MBD5: variants seen among roughly 807,000 people sequenced by gnomAD.
MBD5 encodes methyl-CpG-binding domain protein 5.
MBD5 carries 13 observed loss-of-function variants against 117.3 expected under a neutral mutation model. That is an observed-to-expected ratio of 0.11 (90% CI 0.07 to 0.18). MBD5 has a LOEUF of 0.18. MBD5 is among the 10% of genes least tolerant of loss of function. The pLI, the probability that MBD5 is intolerant of heterozygous loss-of-function variation, is 1.00. For synonymous variants in MBD5, 727 were observed against 766.4 expected (o/e 0.95, Z 0.85); for missense variants, 1,879 against 2,093.8 (o/e 0.90, Z 2.00).
At chr2:148,280,412 A>G (rs1341236894) in intron 3 of MBD5, among the ~76,000 whole-genome samples, 2 of 151,752 alleles carry the variant, frequency 1.3e-5, no homozygotes, top group African/African-American at 2.4e-5. Context: ...CTCAATGTTC[A>G]GTTTTCTTTT....
At chr2:148,475,046 G>C (rs1020002907) in intron 8 of MBD5, among the ~76,000 whole-genome samples, 3 of 152,138 alleles carry the variant, frequency 2.0e-5, no homozygotes, top group African/African-American at 7.2e-5. Flanking sequence ...GGAGATGAGA[G>C]ATTTGTATAG....
chr2:148,355,692 A>G (rs1177955106), intron 4 of MBD5, among the ~76,000 whole-genome samples: 1 of 152,174 alleles, frequency 6.6e-6, no homozygotes, highest in East Asian at 1.9e-4. Flanking sequence ...GCCTTGTAAT[A>G]TAGTTTGAAG....
intron 1 of MBD5, among the ~76,000 whole-genome samples, chr2:148,038,167 G>GA (rs1174506190): frequency 1.3e-5 from 2 of 152,034 alleles, no homozygotes; most frequent in African/African-American, 2.4e-5. Flanking sequence ...TGAAAGAGAA[G>GA]AAAGTCAGGC....
At chr2:148,237,029 A>G (rs13001946) in intron 3 of MBD5, among the ~76,000 whole-genome samples, 45,963 of 152,034 alleles carry the variant, frequency 0.3, 7,394 homozygotes, top group South Asian at 0.43. Context: ...CTAGTGTCAA[A>G]CTTTTCTTCT....
In MBD5 at chr2:148,021,530, C is replaced by T; in HGVS notation, c.-1079C>T. On this transcript the variant is annotated 5_prime_UTR_variant, in exon 1 of 14. Transcript: ENST00000642680. ...CTGCTGCTACTGCTGCTGCTTGGCCCTGGCTGGAGACATCTCACTACACCC... is the reference window on the plus strand; with the variant it reads ...CTGCTGCTACTGCTGCTGCTTGGCCTTGGCTGGAGACATCTCACTACACCC... 3.5e-6 allele frequency: 2 copies of T among 566,808 alleles called. No homozygotes were observed. The highest frequency in any genetic ancestry group is 4.4e-5 in the Admixed American group (2 of 45,874). The allele number at this position is 566,808 out of a possible 1,614,324, so 35.1% of individuals were successfully genotyped here.
chr2:148,292,837 A>G lies in MBD5; in HGVS notation c.-679-49377A>G, dbSNP rs576437592. Among the ~76,000 whole-genome samples the G allele has an allele frequency of 2.0e-5, 3 of 152,160 alleles. No individual in the cohort carries two copies. In the South Asian group the frequency reaches 6.2e-4, roughly 32 times the overall value. On this transcript the variant is annotated intron_variant, in intron 3 of 13. Transcript: ENST00000642680. Reference sequence around the variant, plus strand: ...GAGCAAGCTAAGTGTTCATCAGCAGATGAATGGATAAAGAAAATGTGGTAC... The same window carrying G: ...GAGCAAGCTAAGTGTTCATCAGCAGGTGAATGGATAAAGAAAATGTGGTAC...
At chr2:148,499,213 G>A (rs1292125507) in intron 11 of MBD5, among the ~76,000 whole-genome samples, 2 of 152,140 alleles carry the variant, frequency 1.3e-5, no homozygotes, top group Non-Finnish European at 2.9e-5. Context: ...GAGGTGGGAA[G>A]ATTACTTGAA....
chr2:148,219,248 A>C (rs948999000), intron 2 of MBD5, among the ~76,000 whole-genome samples: 1 of 151,994 alleles, frequency 6.6e-6, no homozygotes, highest in African/African-American at 2.4e-5. Flanking sequence ...GCTTTCCTCC[A>C]CCTCCATATC....
Position 148,470,143 on chromosome 2 carries a change from G to A in MBD5, c.2200G>A (p.Ala734Thr). Residue 734 changes from alanine (A) to threonine (T), a missense_variant, in exon 8 of 14, where the codon GCT becomes ACT. Physicochemically the swap from Ala to Thr is moderately conservative, Grantham distance 58 (BLOSUM62 0). Coordinates refer to ENST00000642680, the MANE Select transcript of MBD5 (RefSeq NM_001378120.1). ...GASNTALPCS[A>T]NQLHFTDPSM... ...CTCAAATACTGCTTTGCCTTGCTCTGCTAACCAGCTGCATTTTACAGATCC... is the reference window on the plus strand; with the variant it reads ...CTCAAATACTGCTTTGCCTTGCTCTACTAACCAGCTGCATTTTACAGATCC... 1 of 1,613,876 alleles carries A rather than the reference G, an allele frequency of 6.2e-7. No individual in the cohort carries two copies. Among genetic ancestry groups the A allele is most frequent in the Non-Finnish European group, 8.5e-7 (1 of 1,179,894 alleles).
At chr2:148,090,344 GCCAGTAT>G (rs1362768845) in intron 1 of MBD5, among the ~76,000 whole-genome samples, 2 of 151,968 alleles carry the variant, frequency 1.3e-5, no homozygotes, top group African/African-American at 4.8e-5. Flanking sequence ...ATTCTATGAA[GCCAGTAT>G]CATCCTAATA....
intron 2 of MBD5, among the ~76,000 whole-genome samples, chr2:148,203,270 C>G (rs1699188379): frequency 6.6e-6 from 1 of 152,138 alleles, no homozygotes; most frequent in South Asian, 2.1e-4. Context: ...TGCTGATTTT[C>G]TTAACATGCA....
rs1682352133 is a variant in MBD5, at chr2:148,516,810, T to G, written c.*3869T>G. 1 of 152,202 alleles carries G rather than the reference T, an allele frequency of 6.6e-6. No homozygotes were observed. The highest frequency in any genetic ancestry group is 1.5e-5 in the Non-Finnish European group (1 of 68,032). The allele number at this position is 152,202 out of a possible 1,614,324, so 9.4% of individuals were successfully genotyped here. A position where few individuals can be genotyped will look rare whatever the true frequency, so the allele number is the denominator to read the frequency against. ...CACTGTGTGTGTACCTCAGTGACCT[T>G]TTATAAACCGGAAAAATGGTTGATT... On this transcript the variant is annotated 3_prime_UTR_variant, in exon 14 of 14. Transcript: ENST00000642680.
intron 1 of MBD5, among the ~76,000 whole-genome samples, chr2:148,107,285 A>C (rs911770859): frequency 6.6e-6 from 1 of 152,010 alleles, no homozygotes; most frequent in African/African-American, 2.4e-5. Flanking sequence ...CAGTCCTTTG[A>C]ATGTTTCCCT....
chr2:148,289,383 A>G (rs1701445747), intron 3 of MBD5, among the ~76,000 whole-genome samples: 2 of 152,164 alleles, frequency 1.3e-5, no homozygotes, highest in Admixed American at 1.3e-4. Flanking sequence ...AATAGTGCTC[A>G]TGAGGGTAAG....
At chr2:148,446,561 C>G (rs1387961821) in intron 4 of MBD5, among the ~76,000 whole-genome samples, 1 of 150,096 alleles carries the variant, frequency 6.7e-6, no homozygotes, top group Admixed American at 6.7e-5. Flanking sequence ...CACAGACCAT[C>G]TATATTTACA....
At chr2:148,197,818 G>C (rs7558400) in intron 2 of MBD5, among the ~76,000 whole-genome samples, 1 of 103,558 alleles carries the variant, frequency 9.7e-6, no homozygotes, top group Non-Finnish European at 1.9e-5. Context: ...TTTTTTTTTT[G>C]TTTTTTTTTT....
chr2:148,246,998 T>C (rs1047370943), intron 3 of MBD5, among the ~76,000 whole-genome samples: 5 of 152,166 alleles, frequency 3.3e-5, no homozygotes, highest in Non-Finnish European at 5.9e-5. Context: ...GTTTACCTTA[T>C]TGATGTTATA....
chr2:148,302,076 A>G (rs1701787114), intron 3 of MBD5, among the ~76,000 whole-genome samples: 1 of 152,208 alleles, frequency 6.6e-6, no homozygotes, highest in Admixed American at 6.5e-5. Flanking sequence ...ACCTACTGTA[A>G]CAATACTAGC....
At chr2:148,118,510 C>T (rs962396292) in intron 1 of MBD5, among the ~76,000 whole-genome samples, 4 of 151,398 alleles carry the variant, frequency 2.6e-5, no homozygotes. Flanking sequence ...TGGGGAGGCT[C>T]AGGCGGGAGA....
Sources: gnomAD v4.1 joint callset for allele counts (sites outside exome capture counted in the v4.1 genomes callset) on GRCh38, gnomAD v4.1.1 for gene constraint, MANE v1.5 for transcripts, NCBI Gene and HGNC (gene_info 2026-07-23, HGNC 2026-07-21) for gene names.